Variants in IQGAP2 observed in about 807,000 individuals in gnomAD.
IQGAP2 encodes the protein IQ motif containing GTPase activating protein 2.
A neutral mutation model predicts 201.3 loss-of-function variants in IQGAP2; 173 were observed. The ratio of observed to expected loss-of-function variants is 0.86; its 90% CI spans 0.76 to 0.98. The LOEUF (loss-of-function observed/expected upper bound fraction) is 0.98, where lower values mean the gene tolerates loss of function less well. Among genes scored for constraint, IQGAP2 ranks in the 50% least tolerant of loss-of-function variants. The probability of loss-of-function intolerance (pLI) is 0.00; values close to 1 mark genes in which losing one functional copy is unlikely to be tolerated. For missense variants in IQGAP2, 1,687 were observed against 1,864.8 expected, an observed-to-expected ratio of 0.90 and a Z score of 1.76; for synonymous variants, 675 against 673.9, an observed-to-expected ratio of 1.00 and a Z score of -0.03.
In IQGAP2 at chr5:76,674,566, T is replaced by C; in HGVS notation, c.3384T>C (p.Gly1128=). 1.9e-6 allele frequency: 3 copies of C among 1,613,510 alleles called. No homozygotes were observed. In the South Asian group the frequency reaches 3.3e-5, roughly 18 times the overall value. Residue 1128 remains glycine (G), a synonymous_variant, in exon 27 of 36, where the codon GGT becomes GGC. Transcript: ENST00000274364. ...ATATCATCGACATGACAGCTGGAGG[T>C]CAGATAAATTCTGACCAAAGGAGAA... ...GFDIIDMTAG[G]QINSDQRRNL...
intron 1 of IQGAP2, among the ~76,000 whole-genome samples, chr5:76,419,160 C>T (rs1580150224): frequency 2.6e-5 from 4 of 152,014 alleles, no homozygotes; most frequent in South Asian, 2.1e-4. Context: ...ATTTATTTGA[C>T]GGGGTCTGGC....
At chr5:76,513,963 T>G (rs36184107) in intron 2 of IQGAP2, among the ~76,000 whole-genome samples, 2 of 151,250 alleles carry the variant, frequency 1.3e-5, no homozygotes, top group Admixed American at 1.3e-4. Context: ...TGTACTTTTC[T>G]TTTAATTTTC....
chr5:76,594,528 C>T lies in IQGAP2; in HGVS notation c.907+1603C>T, dbSNP rs1277477511. On this transcript the variant is annotated intron_variant, in intron 9 of 35. Coordinates refer to ENST00000274364, the MANE Select transcript of IQGAP2 (RefSeq NM_006633.5). ...AAAATATGAAAGCAAGGTTTGATGG[C>T]TTTAAATGTGTAGAACATGATTATT... Among the ~76,000 whole-genome samples the T allele has an allele frequency of 2.0e-5, 3 of 152,072 alleles. No individual in the cohort carries two copies. In the East Asian group the frequency reaches 5.8e-4, roughly 29 times the overall value.
chr5:76,656,226 T>G (rs1050908833), intron 20 of IQGAP2, among the ~76,000 whole-genome samples: 95 of 20,078 alleles, frequency 4.7e-3, no homozygotes, highest in African/African-American at 0.016. Context: ...TTGTTTTTTG[T>G]TTTTTTTTTT....
chr5:76,611,941 AG>A (rs2150343552), intron 13 of IQGAP2, among the ~76,000 whole-genome samples: 1 of 152,304 alleles, frequency 6.6e-6, no homozygotes, highest in East Asian at 1.9e-4. Context: ...CCCAACTGAA[AG>A]GGCGGTCATC....
chr5:76,674,903 G>A (rs530722719), intron 27 of IQGAP2, among the ~76,000 whole-genome samples, 194 bp downstream of exon 27: 1 of 152,122 alleles, frequency 6.6e-6, no homozygotes, highest in African/African-American at 2.4e-5. Context: ...CGATCCTATC[G>A]CACCCCCACC....
At chr5:76,427,567 C>T (rs1320579689) in intron 1 of IQGAP2, among the ~76,000 whole-genome samples, 1 of 152,164 alleles carries the variant, frequency 6.6e-6, no homozygotes, top group Non-Finnish European at 1.5e-5. Flanking sequence ...TAGGTTTTAT[C>T]CTGACAGAAA....
chr5:76,604,565 T>C (rs981818757), intron 11 of IQGAP2, among the ~76,000 whole-genome samples: 9 of 151,974 alleles, frequency 5.9e-5, no homozygotes, highest in African/African-American at 1.9e-4. Flanking sequence ...AAAGAAATGA[T>C]GGGTAGTTGT....
intron 13 of IQGAP2, among the ~76,000 whole-genome samples, chr5:76,613,644 G>T (rs1004534362): frequency 6.6e-6 from 1 of 152,094 alleles, no homozygotes; most frequent in Non-Finnish European, 1.5e-5. Context: ...TAGTATTATT[G>T]TGGGCACCTA....
At chr5:76,551,682 G>A (rs1332734393) in intron 2 of IQGAP2, among the ~76,000 whole-genome samples, 5 of 151,988 alleles carry the variant, frequency 3.3e-5, no homozygotes, top group South Asian at 2.1e-4. Flanking sequence ...GCGAAACCCC[G>A]TCTCCACCAA....
At chr5:76,558,505 C>A (rs930511242) in intron 2 of IQGAP2, among the ~76,000 whole-genome samples, 3 of 152,044 alleles carry the variant, frequency 2.0e-5, no homozygotes, top group African/African-American at 7.3e-5. Flanking sequence ...TGGCTCTTAA[C>A]TTGGCCATAT....
intron 13 of IQGAP2, among the ~76,000 whole-genome samples, chr5:76,618,904 C>T (rs2069682): frequency 0.058 from 8,755 of 152,236 alleles, 327 homozygotes; most frequent in African/African-American, 0.11. Flanking sequence ...GAAACAAAAA[C>T]AGCCCATCAG....
intron 30 of IQGAP2, among the ~76,000 whole-genome samples, chr5:76,689,256 A>AT (rs60187879): frequency 6.7e-6 from 1 of 148,316 alleles, no homozygotes; most frequent in Non-Finnish European, 1.5e-5. Context: ...AAAAAAAAAA[A>AT]CCTGGTCGAG....
At chr5:76,523,654 T>C (rs953203260) in intron 2 of IQGAP2, among the ~76,000 whole-genome samples, 1 of 152,206 alleles carries the variant, frequency 6.6e-6, no homozygotes, top group Non-Finnish European at 1.5e-5. Flanking sequence ...TTTCATCCTC[T>C]AGCCCTGAAT....
chr5:76,592,195 G>A (rs752986255), intron 8 of IQGAP2, among the ~76,000 whole-genome samples: 5 of 152,072 alleles, frequency 3.3e-5, no homozygotes, highest in Non-Finnish European at 5.9e-5. Flanking sequence ...GACATGCCCC[G>A]ATTCTCTATT....
chr5:76,496,742 TTTCTTTCTTTCTTTCTTTCTTTC>T (rs1561416287), intron 2 of IQGAP2, among the ~76,000 whole-genome samples: 500 of 42,434 alleles, frequency 0.012, 22 homozygotes, highest in African/African-American at 0.049. Context: ...TCTTTCTTTC[TTTCTTTCTTTCTTTCTTTCTTTC>T]TTTCTTTCTT....
intron 1 of IQGAP2, among the ~76,000 whole-genome samples, chr5:76,415,188 G>A (rs1252775498): frequency 4.6e-5 from 7 of 152,166 alleles, no homozygotes; most frequent in South Asian, 2.1e-4. Context: ...TAAAGCAAAT[G>A]TGTGTTTTGG....
intron 13 of IQGAP2, chr5:76,618,326 A>G (rs768699474): frequency 6.2e-7 from 1 of 1,614,232 alleles, no homozygotes; most frequent in South Asian, 1.1e-5. Flanking sequence ...ATACAGTGGT[A>G]CAGATGGATC....
At chr5:76,498,450 CAG>C (rs1561418053) in intron 2 of IQGAP2, among the ~76,000 whole-genome samples, 1 of 152,158 alleles carries the variant, frequency 6.6e-6, no homozygotes, top group Admixed American at 6.6e-5. Context: ...GAGACAGAAA[CAG>C]AGCCAAGCCC....
Sources: gnomAD v4.1 joint callset for allele counts (sites outside exome capture counted in the v4.1 genomes callset) on GRCh38, gnomAD v4.1.1 for gene constraint, MANE v1.5 for transcripts, NCBI Gene and HGNC (gene_info 2026-07-23, HGNC 2026-07-21) for gene names.